Variants in DYNC2I1 observed in about 807,000 individuals in gnomAD.
The protein encoded by DYNC2I1 is cytoplasmic dynein 2 intermediate chain 1.
Under a neutral mutation model 133.4 loss-of-function variants are expected in DYNC2I1, and 89 were observed. The ratio of observed to expected loss-of-function variants is 0.67; its 90% CI spans 0.56 to 0.80. DYNC2I1 has a LOEUF of 0.80. DYNC2I1 is among the 30% of genes least tolerant of loss of function. The pLI is 0.00. For missense variants in DYNC2I1, 1,291 were observed against 1,314.5 expected, an observed-to-expected ratio of 0.98 and a Z score of 0.28; for synonymous variants, 504 against 484.3, an observed-to-expected ratio of 1.04 and a Z score of -0.54.
chr7:158,956,501 G>A (rs74943718), intron 4 of DYNC2I1: 12,159 of 152,480 alleles, frequency 0.08, 1,115 homozygotes, highest in East Asian at 0.47. Context: ...CGTAGGAGGA[G>A]GGGACCTGTG....
chr7:158,958,262 G>C (rs1262277630), downstream of DYNC2I1, among the ~76,000 whole-genome samples: 1 of 152,254 alleles, frequency 6.6e-6, no homozygotes, highest in African/African-American at 2.4e-5. Context: ...AAGCAGCAAA[G>C]CCGTGGTTGA....
intron 14 of DYNC2I1, 146 bp downstream of exon 14, chr7:158,914,467 T>G: frequency 1.5e-6 from 1 of 685,616 alleles, no homozygotes; most frequent in Middle Eastern, 3.4e-4. Context: ...ATTATTTTCT[T>G]ACAAATTATC....
chr7:158,903,191 C>G (rs560449851), intron 10 of DYNC2I1: 3 of 152,172 alleles, frequency 2.0e-5, no homozygotes, highest in Non-Finnish European at 4.4e-5. Context: ...GAGCCTGACA[C>G]GAAGCATGCT....
chr7:158,857,226 CT>C (rs1749299475), intron 1 of DYNC2I1, among the ~76,000 whole-genome samples: 1 of 152,190 alleles, frequency 6.6e-6, no homozygotes, highest in Non-Finnish European at 1.5e-5. Context: ...GGCAAACTCA[CT>C]TAACATGTCT....
intron 8 of DYNC2I1, among the ~76,000 whole-genome samples, chr7:158,900,678 A>G (rs1846151183): frequency 7.1e-6 from 1 of 141,626 alleles, no homozygotes; most frequent in Non-Finnish European, 1.5e-5. Flanking sequence ...CATCCCCATT[A>G]TACATGTGAA....
chr7:158,855,578 C>T (rs1040260932), upstream of DYNC2I1, among the ~76,000 whole-genome samples: 1 of 152,200 alleles, frequency 6.6e-6, no homozygotes, highest in Admixed American at 6.5e-5. Context: ...AGGGCTGTTA[C>T]CGTCTGTGTT....
intron 4 of DYNC2I1, among the ~76,000 whole-genome samples, chr7:158,953,167 GGCTGCTCCT>G (rs1852105733): frequency 7.9e-6 from 1 of 126,170 alleles, no homozygotes; most frequent in African/African-American, 2.9e-5. Context: ...ACCCACATGT[GGCTGCTCCT>G]ACCCTCCTCG....
chr7:158,853,233 C>T (rs1260420872), upstream of DYNC2I1, among the ~76,000 whole-genome samples: 1 of 152,166 alleles, frequency 6.6e-6, no homozygotes, highest in Non-Finnish European at 1.5e-5. Flanking sequence ...TTGTAAGACC[C>T]CCAACCATCT....
chr7:158,852,490 T>C (rs112352077), upstream of DYNC2I1, among the ~76,000 whole-genome samples: 8,024 of 151,420 alleles, frequency 0.053, 321 homozygotes, highest in African/African-American at 0.11. Flanking sequence ...CCTGTAATCC[T>C]AGCACTTTGG....
intron 14 of DYNC2I1, among the ~76,000 whole-genome samples, chr7:158,917,211 G>T (rs1428489900): frequency 2.8e-5 from 4 of 144,924 alleles, no homozygotes; most frequent in African/African-American, 5.3e-5. Context: ...CGACACGCTG[G>T]TTGAGATTAA....
intron 14 of DYNC2I1, 71 bp from the exon 15 acceptor site, chr7:158,918,669 G>A (rs755653548): frequency 6.4e-7 from 1 of 1,573,630 alleles, no homozygotes; most frequent in African/African-American, 1.4e-5. Context: ...AAGATGAAAA[G>A]GTAATTTTTT....
intron 1 of DYNC2I1, among the ~76,000 whole-genome samples, chr7:158,862,128 G>C (rs1347874154): frequency 6.6e-6 from 1 of 152,136 alleles, no homozygotes; most frequent in Non-Finnish European, 1.5e-5. Context: ...CTGGCCGTTA[G>C]TGCTCCTGCT....
intron 8 of DYNC2I1, among the ~76,000 whole-genome samples, chr7:158,897,057 C>T (rs1054591829): frequency 4.7e-5 from 7 of 149,032 alleles, no homozygotes; most frequent in Admixed American, 1.3e-4. Context: ...GGTCTCAGAT[C>T]GCTGCAGCCT....
At chr7:158,901,611 A>G in intron 8 of DYNC2I1, 128 bp from the exon 9 acceptor site, 1 of 642,880 alleles carries the variant, frequency 1.6e-6, no homozygotes, top group Non-Finnish European at 2.7e-6. Context: ...TTAGTTTTAC[A>G]AATACCTAGA....
intron 8 of DYNC2I1, 46 bp from the exon 9 acceptor site, chr7:158,901,693 T>C: frequency 7.8e-7 from 1 of 1,279,698 alleles, no homozygotes; most frequent in Non-Finnish European, 1.1e-6. Flanking sequence ...CAATATTCAA[T>C]TTTATGATTG....
chr7:158,931,191 A>G (rs1322884289), intron 21 of DYNC2I1, among the ~76,000 whole-genome samples: 1 of 152,248 alleles, frequency 6.6e-6, no homozygotes, highest in Admixed American at 6.5e-5. Context: ...CATATAACTT[A>G]ATATGACATA....
chr7:158,874,114 C>T (rs1167185946), intron 3 of DYNC2I1, among the ~76,000 whole-genome samples: 1 of 152,132 alleles, frequency 6.6e-6, no homozygotes, highest in Non-Finnish European at 1.5e-5. Context: ...ACATGTTGCC[C>T]AGGCTGGTCT....
At chr7:158,880,148 T>C (rs939341013) in intron 5 of DYNC2I1, among the ~76,000 whole-genome samples, 159 bp downstream of exon 5, 2 of 152,252 alleles carry the variant, frequency 1.3e-5, no homozygotes, top group Non-Finnish European at 2.9e-5. Flanking sequence ...GTGGTTAGTA[T>C]AGACAGATTA....
chr7:158,886,836 A>G (rs1274161793), intron 6 of DYNC2I1, among the ~76,000 whole-genome samples, 185 bp from the exon 7 acceptor site: 1 of 152,104 alleles, frequency 6.6e-6, no homozygotes, highest in Non-Finnish European at 1.5e-5. Flanking sequence ...CCTGGCCTCA[A>G]GTGGTCCTCC....
Sources: allele counts gnomAD v4.1 joint callset (sites outside exome capture counted in the v4.1 genomes callset), GRCh38; gene constraint gnomAD v4.1.1; transcripts MANE v1.5; gene names NCBI Gene and HGNC (gene_info 2026-07-23, HGNC 2026-07-21).